PLAAT5: variants seen among roughly 807,000 people sequenced by gnomAD.
The protein encoded by PLAAT5 is Ca(2+)-independent N-acyltransferase.
In PLAAT5, 27 loss-of-function variants were observed where a neutral mutation model predicts 27.8. The ratio of observed to expected loss-of-function variants is 0.97; its 90% CI spans 0.72 to 1.34. The LOEUF is 1.34. Among genes scored for constraint, PLAAT5 ranks in the 40% most tolerant of loss-of-function variants. The pLI, the probability that PLAAT5 is intolerant of heterozygous loss-of-function variation, is 0.00. For synonymous variants in PLAAT5, 125 were observed against 136.1 expected (o/e 0.92, Z 0.57); for missense variants, 368 against 343.8 (o/e 1.07, Z -0.56).
At position 63,490,871 on chromosome 11, in the gene PLAAT5, C is replaced by T. The variant is rs1277657122; in HGVS notation, c.148+16G>A. 1.8e-5 allele frequency: 28 copies of T among 1,595,054 alleles called. No individual in the cohort carries two copies. The highest frequency in any genetic ancestry group is 2.1e-5 in the Non-Finnish European group (25 of 1,171,822). On this transcript the variant is annotated intron_variant, in intron 1 of 5. Coordinates refer to ENST00000540857, the MANE Select transcript of PLAAT5 (RefSeq NM_001146729.2). ...ACAATTGCGGATTGTCCTTCAGCCG[C>T]ATTCTTGGGGCTGACCTGAGTGGGG... is the stretch of plus-strand genomic sequence containing the variant.
rs2016524420 is a variant in PLAAT5 at position 63,490,096 on chromosome 11, G to A, written c.239+147C>T. ...GCCCAGTACCATCTGTTATCACCCA[G>A]GATCACACCAGCCTTCCCCTTGCTG... is the stretch of plus-strand genomic sequence containing the variant. On this transcript the variant is annotated intron_variant, in intron 2 of 5. Transcript: ENST00000540857. 8 of 1,041,754 alleles carry A rather than the reference G, an allele frequency of 7.7e-6. No homozygotes were observed. The East Asian group carries it at 1.9e-4, about 25-fold the overall frequency. The allele number at this position is 1,041,754 out of a possible 1,614,324, so 64.5% of individuals were successfully genotyped here. A position where few individuals can be genotyped will look rare whatever the true frequency, so the allele number is the denominator to read the frequency against.
At chr11:63,473,580 T>C (rs1279041602) in intron 3 of PLAAT5, among the ~76,000 whole-genome samples, 2 of 152,204 alleles carry the variant, frequency 1.3e-5, no homozygotes, top group African/African-American at 4.8e-5. Context: ...GAAACTCCCT[T>C]TAACTGAGTT....
chr11:63,472,394 A>G (rs2016050330), intron 3 of PLAAT5, among the ~76,000 whole-genome samples: 1 of 152,142 alleles, frequency 6.6e-6, no homozygotes, highest in Non-Finnish European at 1.5e-5. Flanking sequence ...GAGGCACCAC[A>G]TTTTGCTTAA....
chr11:63,487,050 GT>G (rs767072255), intron 3 of PLAAT5, among the ~76,000 whole-genome samples: 5 of 152,082 alleles, frequency 3.3e-5, no homozygotes, highest in Non-Finnish European at 5.9e-5. Context: ...TTTATCAACA[GT>G]TCATTCCTTT....
intron 3 of PLAAT5, among the ~76,000 whole-genome samples, chr11:63,485,828 G>A (rs1179765489): frequency 1.3e-5 from 2 of 152,160 alleles, no homozygotes. Flanking sequence ...AATAAGCAGA[G>A]TAAACGGACA....
At chr11:63,469,942 A>G (rs187422162) in intron 3 of PLAAT5, among the ~76,000 whole-genome samples, 1 of 152,266 alleles carries the variant, frequency 6.6e-6, no homozygotes, top group Admixed American at 6.5e-5. Flanking sequence ...CAAAAAAATT[A>G]GCCAGGCTTG....
intron 1 of PLAAT5, chr11:63,490,553 C>T (rs775022524): frequency 9.8e-6 from 7 of 712,520 alleles, no homozygotes; most frequent in Non-Finnish European, 1.6e-5. Context: ...TTCCTGGGAA[C>T]GGAATCGGGG....
chr11:63,480,823 T>C (rs1466016656), intron 3 of PLAAT5, among the ~76,000 whole-genome samples: 1 of 152,236 alleles, frequency 6.6e-6, no homozygotes, highest in African/African-American at 2.4e-5. Context: ...TAGCTGTCTG[T>C]ATGCTACAGA....
In PLAAT5 at chr11:63,464,068, A is replaced by G. The variant is rs112506622; in HGVS notation, c.718-473T>C. Among the ~76,000 whole-genome samples the G allele has an allele frequency of 4.4e-3, 677 of 152,284 alleles. 2 individuals carry two copies. Among genetic ancestry groups the G allele is most frequent in the African/African-American group, 0.015 (633 of 41,552 alleles). On this transcript the variant is annotated intron_variant, in intron 5 of 5. Coordinates refer to ENST00000540857, the MANE Select transcript of PLAAT5 (RefSeq NM_001146729.2). ...CTCAGTCCTTGGGGTCTTCATGTGCAAATTCTCACGGGACGGGAGGTTTCT... is the reference window on the plus strand; with the variant it reads ...CTCAGTCCTTGGGGTCTTCATGTGCGAATTCTCACGGGACGGGAGGTTTCT...
chr11:63,485,931 A>G (rs1458293224), intron 3 of PLAAT5, among the ~76,000 whole-genome samples: 1 of 152,160 alleles, frequency 6.6e-6, no homozygotes, highest in East Asian at 1.9e-4. Flanking sequence ...ATAAATCAGC[A>G]AGGAAAAAAA....
intron 5 of PLAAT5, among the ~76,000 whole-genome samples, chr11:63,464,612 C>T (rs550611628): frequency 2.6e-5 from 4 of 152,090 alleles, no homozygotes; most frequent in African/African-American, 7.2e-5. Context: ...GCCGAGATCA[C>T]GCCATCGCAC....
chr11:63,475,683 CCT>C lies in PLAAT5; in HGVS notation c.346-7220_346-7219del, dbSNP rs1468566725. ...TTCTGTACATCACGTCTTTTTTGTT[CCT>C]CTGTTCCTCTTTTGCCTTCTTTTTT... On this transcript the variant is annotated intron_variant, in intron 3 of 5. Coordinates refer to ENST00000540857, the MANE Select transcript of PLAAT5 (RefSeq NM_001146729.2). Among the ~76,000 whole-genome samples the C allele has an allele frequency of 2.0e-5, 3 of 151,510 alleles. No homozygotes were observed. In the South Asian group the frequency reaches 6.2e-4, roughly 32 times the overall value.
Position 63,483,801 on chromosome 11 carries a change from G to GTATATATATA in PLAAT5, c.345+5060_345+5069dup, listed in dbSNP as rs71039646. 3.6e-3 allele frequency among the ~76,000 whole-genome samples: 86 copies of GTATATATATA among 24,118 alleles called. 3 individuals are homozygous for GTATATATATA. The highest frequency in any genetic ancestry group is 7.0e-3 in the East Asian group (5 of 712). The allele number at this position is 24,118 out of a possible 152,430, so 15.8% of individuals were successfully genotyped here. ...AAAAAAAAAATATATATATATATAT[G>GTATATATATA]TATATATATATATATATATATATAT... On this transcript the variant is annotated intron_variant, in intron 3 of 5. Transcript: ENST00000540857.
intron 1 of PLAAT5, 38 bp downstream of exon 1, chr11:63,490,849 A>G: frequency 6.4e-7 from 1 of 1,568,028 alleles, no homozygotes; most frequent in African/African-American, 1.4e-5. Flanking sequence ...CTGAAGGACA[A>G]TTGCGGATTG....
intron 3 of PLAAT5, among the ~76,000 whole-genome samples, chr11:63,473,284 G>A (rs745710032): frequency 1.3e-5 from 2 of 152,128 alleles, no homozygotes; most frequent in Non-Finnish European, 2.9e-5. Context: ...GCGTGTGCTC[G>A]CTTTGTTAGC....
chr11:63,482,794 C>T (rs2016317884), intron 3 of PLAAT5, among the ~76,000 whole-genome samples: 1 of 152,134 alleles, frequency 6.6e-6, no homozygotes, highest in South Asian at 2.1e-4. Flanking sequence ...GGCCTAAATG[C>T]TCCACTTAAA....
intron 3 of PLAAT5, among the ~76,000 whole-genome samples, chr11:63,471,846 G>A (rs1416303446): frequency 1.3e-5 from 2 of 152,168 alleles, no homozygotes; most frequent in East Asian, 3.8e-4. Context: ...AGAAAATGTG[G>A]AATACTATGC....
At chr11:63,490,442 G>A in intron 1 of PLAAT5, 109 bp from the exon 2 acceptor site, 2 of 1,565,656 alleles carry the variant, frequency 1.3e-6, no homozygotes, top group Non-Finnish European at 1.7e-6. Context: ...ATCGTGCCTG[G>A]CCCCTGGTTA....
rs141712509 is a variant in PLAAT5 at position 63,468,458 on chromosome 11, G to A, written c.353C>T (p.Pro118Leu). 6.2e-7 allele frequency: 1 copy of A among 1,612,798 alleles called. No homozygotes were observed. Among genetic ancestry groups the A allele is most frequent in the Non-Finnish European group, 8.5e-7 (1 of 1,179,022 alleles). The stretch of plus-strand genomic sequence containing the variant: ...AATCAGGTCTCCAGGTCTGGGTCTT[G>A]GTTTTCCCTATAATGGAAAAATAAA... ...KLIKQAAEGK[P>L]RPRPGDLIEI... Residue 118 changes from proline (P) to leucine (L), a missense_variant, in exon 4 of 6, where the codon CCA becomes CTA. Transcript: ENST00000540857.
Sources: allele counts gnomAD v4.1 joint callset (sites outside exome capture counted in the v4.1 genomes callset), GRCh38; gene constraint gnomAD v4.1.1; transcripts MANE v1.5; gene names NCBI Gene and HGNC (gene_info 2026-07-23, HGNC 2026-07-21).